DOCK7: variants seen among roughly 807,000 people sequenced by gnomAD.
The protein encoded by DOCK7 is dedicator of cytokinesis protein 7.
In DOCK7, 138 loss-of-function variants were observed where a neutral mutation model predicts 271.0. The ratio of observed to expected loss-of-function variants is 0.51; its 90% CI spans 0.44 to 0.59. The LOEUF is 0.59. DOCK7 is among the 20% of genes least tolerant of loss of function. DOCK7 has a pLI of 0.00. For synonymous variants in DOCK7, 823 were observed against 876.1 expected, an observed-to-expected ratio of 0.94 and a Z score of 1.07; for missense variants, 2,066 against 2,592.4, an observed-to-expected ratio of 0.80 and a Z score of 4.41.
chr1:62,645,315 T>C (rs1478329737), intron 7 of DOCK7, among the ~76,000 whole-genome samples: 3 of 151,950 alleles, frequency 2.0e-5, no homozygotes, highest in Non-Finnish European at 4.4e-5. Flanking sequence ...GAATGTGGCA[T>C]ATGCATCAAT....
chr1:62,531,198 C>T (rs557067816), intron 29 of DOCK7, among the ~76,000 whole-genome samples: 1 of 152,334 alleles, frequency 6.6e-6, no homozygotes, highest in East Asian at 1.9e-4. Flanking sequence ...TCCTCTTTGA[C>T]TTTCTGTATC....
intron 12 of DOCK7, 171 bp downstream of exon 12, chr1:62,625,088 A>G: frequency 2.0e-6 from 1 of 512,372 alleles, no homozygotes; most frequent in Non-Finnish European, 3.3e-6. Flanking sequence ...AATAGGAACA[A>G]TATAAATCGT....
chr1:62,518,198 G>T (rs1016111395), intron 31 of DOCK7, among the ~76,000 whole-genome samples: 1 of 152,184 alleles, frequency 6.6e-6, no homozygotes, highest in Non-Finnish European at 1.5e-5. Context: ...CACTTTGGGA[G>T]GCTGAGTCAG....
At chr1:62,487,037 CAT>C (rs1557612275) in intron 43 of DOCK7, 1 of 167,932 alleles carries the variant, frequency 6.0e-6, no homozygotes. Context: ...AGCAATAACA[CAT>C]AAATCGACCT....
intron 4 of DOCK7, among the ~76,000 whole-genome samples, chr1:62,652,236 T>C (rs1240994448): frequency 1.3e-5 from 2 of 152,196 alleles, no homozygotes; most frequent in Non-Finnish European, 2.9e-5. Flanking sequence ...AGCTTTTGCA[T>C]GTATCTTCTC....
intron 22 of DOCK7, among the ~76,000 whole-genome samples, chr1:62,550,594 T>C (rs1372205314): frequency 6.6e-6 from 1 of 152,158 alleles, no homozygotes; most frequent in African/African-American, 2.4e-5. Context: ...TCAATCACCA[T>C]GGTATTTCTC....
chr1:62,530,031 C>A (rs1645127559), intron 29 of DOCK7, among the ~76,000 whole-genome samples: 1 of 152,170 alleles, frequency 6.6e-6, no homozygotes, highest in Admixed American at 6.5e-5. Context: ...AATACACTAA[C>A]AAGGGTCACT....
intron 21 of DOCK7, chr1:62,555,223 G>A (rs1646100893): frequency 6.6e-6 from 1 of 152,188 alleles, no homozygotes; most frequent in Non-Finnish European, 1.5e-5. Context: ...ACCACGAAGA[G>A]ATCAGAACTT....
Position 62,552,814 on chromosome 1 carries a change from C to T in DOCK7, c.2684G>A (p.Arg895Gln), listed in dbSNP as rs573187574. 1.5e-5 allele frequency: 24 copies of T among 1,613,842 alleles called. No individual in the cohort carries two copies. Among genetic ancestry groups the T allele is most frequent in the East Asian group, 2.2e-5 (1 of 44,836 alleles). Residue 895 changes from arginine (R) to glutamine (Q), a missense_variant, in exon 22 of 50, where the codon CGA (arginine) becomes CAA (glutamine). Physicochemically the swap from Arg to Gln is conservative, Grantham distance 43. Transcript: ENST00000635253. The part of the protein sequence containing the change: ...RPASLNLNRS[R>Q]SLSNSNPDIS... ...ATCTGGATTGCTATTACTAAGGCTT[C>T]GAGAACGATTTAAATTAAGGCTTGC...
intron 48 of DOCK7, among the ~76,000 whole-genome samples, chr1:62,466,577 G>T (rs1412170558): frequency 6.6e-6 from 1 of 152,120 alleles, no homozygotes; most frequent in African/African-American, 2.4e-5. Context: ...CATTGCATCT[G>T]GCCACCCAGA....
chr1:62,471,031 A>G (rs1452921733), intron 48 of DOCK7, among the ~76,000 whole-genome samples: 1 of 152,210 alleles, frequency 6.6e-6, no homozygotes, highest in Non-Finnish European at 1.5e-5. Context: ...AGGAGGATGA[A>G]GCCCTTTATG....
intron 48 of DOCK7, among the ~76,000 whole-genome samples, chr1:62,459,476 AGTG>A (rs1407855082): frequency 6.6e-6 from 1 of 152,068 alleles, no homozygotes; most frequent in Non-Finnish European, 1.5e-5. Context: ...TCTGGCCTCA[AGTG>A]ATCTGCCTAC....
intron 43 of DOCK7, chr1:62,485,467 T>A (rs1646266396): frequency 2.5e-5 from 25 of 985,224 alleles, no homozygotes; most frequent in Non-Finnish European, 2.9e-5. Flanking sequence ...GGTTTTCCTG[T>A]AAGTTGGGGA....
chr1:62,579,513 T>C (rs908240778), intron 16 of DOCK7, among the ~76,000 whole-genome samples: 8 of 151,928 alleles, frequency 5.3e-5, no homozygotes, highest in African/African-American at 1.7e-4. Context: ...TCAGGATCAC[T>C]TGGAGTCAGG....
At chr1:62,552,638 C>T (rs888270660) in intron 22 of DOCK7, 94 bp downstream of exon 22, 2 of 1,229,012 alleles carry the variant, frequency 1.6e-6, no homozygotes, top group Non-Finnish European at 2.2e-6. Context: ...AACTTACATA[C>T]ATCTCAAAAT....
chr1:62,464,480 G>A (rs570811229), intron 48 of DOCK7, among the ~76,000 whole-genome samples: 97 of 150,662 alleles, frequency 6.4e-4, no homozygotes, highest in African/African-American at 1.0e-3. Flanking sequence ...TCAGGAGTTC[G>A]AGACCAGCCA....
chr1:62,460,048 A>C (rs921275147), intron 48 of DOCK7, among the ~76,000 whole-genome samples: 1 of 144,766 alleles, frequency 6.9e-6, no homozygotes, highest in African/African-American at 2.5e-5. Context: ...TGCAGTGAGC[A>C]GAGATTTCGC....
chr1:62,552,275 T>C (rs1379852748), intron 22 of DOCK7, among the ~76,000 whole-genome samples: 1 of 152,204 alleles, frequency 6.6e-6, no homozygotes, highest in African/African-American at 2.4e-5. Context: ...TACTCTGCAG[T>C]ATCCCTTATA....
intron 1 of DOCK7, among the ~76,000 whole-genome samples, chr1:62,676,622 GA>G (rs1472025780): frequency 6.6e-6 from 1 of 152,180 alleles, no homozygotes; most frequent in Non-Finnish European, 1.5e-5. Context: ...GTAAGAGAAA[GA>G]ATGATGATGG....
Sources: allele counts gnomAD v4.1 joint callset (sites outside exome capture counted in the v4.1 genomes callset), GRCh38; gene constraint gnomAD v4.1.1; transcripts MANE v1.5; gene names NCBI Gene and HGNC (gene_info 2026-07-23, HGNC 2026-07-21).